Variants in ESYT3 observed in about 807,000 individuals in gnomAD.
The protein encoded by ESYT3 is extended synaptotagmin 3.
Under a neutral mutation model 111.5 loss-of-function variants are expected in ESYT3, and 101 were observed. The ratio of observed to expected loss-of-function variants is 0.91; its 90% confidence interval spans 0.77 to 1.07. ESYT3 has a LOEUF of 1.07. ESYT3 is among the 50% of genes least tolerant of loss of function. The probability of loss-of-function intolerance (pLI) is 0.00; values close to 1 mark genes in which losing one functional copy is unlikely to be tolerated. For synonymous variants in ESYT3, 416 were observed against 446.8 expected, an observed-to-expected ratio of 0.93 and a Z score of 0.87; for missense variants, 1,097 against 1,109.4, an observed-to-expected ratio of 0.99 and a Z score of 0.16.
At chr3:138,436,317 C>G (rs1022530365) in intron 1 of ESYT3, among the ~76,000 whole-genome samples, 1 of 152,128 alleles carries the variant, frequency 6.6e-6, no homozygotes, top group Non-Finnish European at 1.5e-5. Flanking sequence ...GTCTTCCTAC[C>G]GTCTTCACAC....
At chr3:138,469,563 G>A in intron 15 of ESYT3, 59 bp downstream of exon 15, 1 of 1,453,008 alleles carries the variant, frequency 6.9e-7, no homozygotes, top group Non-Finnish European at 9.6e-7. Context: ...CCCTTCTCAG[G>A]GAGAGAGGCA....
intron 10 of ESYT3, among the ~76,000 whole-genome samples, chr3:138,467,093 C>G (rs1048267262): frequency 1.3e-5 from 2 of 152,150 alleles, no homozygotes; most frequent in African/African-American, 4.8e-5. Context: ...ACTATACTTT[C>G]CCTTGTAGGG....
rs1446007021 is a variant in ESYT3 at position 138,476,229 on chromosome 3, A to G, written c.2475A>G (p.Glu825=). The change falls in exon 21 of 23, where the codon GAA becomes GAG. Residue 825 remains glutamate, a synonymous_variant. Transcript: ENST00000389567. ...TCCTTTTTGCTTCCTAAAGATTTGA[A>G]TTTTTTGTTCCCATGGAAGAAGTAA... The part of the protein sequence containing the change: ...TLEPLFDETF[E]FFVPMEEVKK... 4.4e-6 allele frequency: 7 copies of G among 1,608,576 alleles called. No homozygotes were observed. Among genetic ancestry groups the G allele is most frequent in the African/African-American group, 4.0e-5 (3 of 74,700 alleles).
At position 138,435,419 on chromosome 3, in the gene ESYT3, C is replaced by T. The variant is rs1370315406; in HGVS notation, c.327+294C>T. Among the ~76,000 whole-genome samples the T allele has an allele frequency of 6.6e-6, 1 of 152,166 alleles. No individual in the cohort carries two copies. Among genetic ancestry groups the T allele is most frequent in the African/African-American group, 2.4e-5 (1 of 41,440 alleles). The stretch of plus-strand genomic sequence containing the variant: ...AGAAGAGTCACGGGCAGACCACACC[C>T]GGGAGAAAAACAAGGGCGTCTGGGA... On this transcript the variant is annotated intron_variant, in intron 1 of 22. Coordinates refer to ENST00000389567, the MANE Select transcript of ESYT3 (RefSeq NM_031913.5). The surrounding 1 kb of genome is among the most constrained non-coding windows in gnomAD (Gnocchi z 4.8).
intron 10 of ESYT3, among the ~76,000 whole-genome samples, chr3:138,467,110 G>T (rs1367547899): frequency 6.6e-6 from 1 of 152,170 alleles, no homozygotes; most frequent in African/African-American, 2.4e-5. Flanking sequence ...AGGGCACCTG[G>T]GGTAGATTTG....
At position 138,455,118 on chromosome 3, in the gene ESYT3, A is replaced by G. The variant is rs576427846; in HGVS notation, c.370-76A>G. 3,246 of 1,562,030 alleles carry G rather than the reference A, an allele frequency of 2.1e-3. 1 individual carries two copies. Among genetic ancestry groups the G allele is most frequent in the Non-Finnish European group, 2.7e-3 (3,058 of 1,140,874 alleles). ...CAAGACCAGGCTGCAGAGAATCAGG[A>G]CCTTGTCCCATGCAGCTGTGGGTCT... is the stretch of plus-strand genomic sequence containing the variant. On this transcript the variant is annotated intron_variant, in intron 2 of 22. Coordinates refer to ENST00000389567, the MANE Select transcript of ESYT3 (RefSeq NM_031913.5).
chr3:138,463,938 A>C (rs1221178443), intron 8 of ESYT3, among the ~76,000 whole-genome samples: 1 of 152,198 alleles, frequency 6.6e-6, no homozygotes, highest in African/African-American at 2.4e-5. Context: ...GGCAGTGCCC[A>C]CAGGGGCCAG....
rs777790280 is a variant in ESYT3 at position 138,471,045 on chromosome 3, C to T, written c.1740+19C>T. ...GCTTCGGGTAAATCTCTCCGGTCCC[C>T]TGGGGGAGGGGAGGAATAGAGCTCT... On this transcript the variant is annotated intron_variant, in intron 17 of 22. Transcript: ENST00000389567. The T allele has an allele frequency of 2.5e-6, 4 of 1,605,108 alleles. No homozygotes were observed. In the African/African-American group the frequency reaches 5.3e-5, roughly 21 times the overall value.
At chr3:138,471,097 A>G (rs2033198116) in intron 17 of ESYT3, 71 bp downstream of exon 17, 2 of 1,269,870 alleles carry the variant, frequency 1.6e-6, no homozygotes, top group East Asian at 2.3e-5. Context: ...GTACTGCCCC[A>G]GCACTAAGCA....
chr3:138,470,850 T>C, intron 16 of ESYT3, 27 bp from the exon 17 acceptor site: 2 of 1,613,832 alleles, frequency 1.2e-6, no homozygotes, highest in South Asian at 1.1e-5. Context: ...GGTTATCCTC[T>C]TGTTTTGTGA....
In ESYT3 at chr3:138,467,497, C is replaced by T. The variant is rs1392668079; in HGVS notation, c.1170-64C>T. 3.3e-6 allele frequency: 5 copies of T among 1,530,972 alleles called. No individual in the cohort carries two copies. In the South Asian group the frequency reaches 4.5e-5, roughly 14 times the overall value. 94.8% of individuals were successfully genotyped at this position (1,530,972 alleles called of 1,614,324 possible). On this transcript the variant is annotated intron_variant, in intron 10 of 22. Transcript: ENST00000389567. ...TCTGAAAACAGAGTCCAGTGTGGGC[C>T]TCCATGCCCTCTGCTGCTTTCTTCC...
At position 138,477,350 on chromosome 3, in the gene ESYT3, AACTGCCAAGAGCTAAC is replaced by A. The variant is rs1376717289; in HGVS notation, c.*505_*520del. On this transcript the variant is annotated 3_prime_UTR_variant, in exon 23 of 23. Transcript: ENST00000389567. ...GGAAATAGAAAGTGACCCAACTCAA[AACTGCCAAGAGCTAAC>A]ACTGCCAAAGCCCTTCTGGCTGCCA... The A allele has an allele frequency of 6.5e-6, 1 of 152,704 alleles. No individual in the cohort carries two copies. Among genetic ancestry groups the A allele is most frequent in the Non-Finnish European group, 1.5e-5 (1 of 68,442 alleles). The allele number at this position is 152,704 out of a possible 1,614,324, so 9.5% of individuals were successfully genotyped here.
intron 9 of ESYT3, 125 bp downstream of exon 9, chr3:138,464,640 G>GT: frequency 9.6e-7 from 1 of 1,040,072 alleles, no homozygotes; most frequent in Non-Finnish European, 1.4e-6. Context: ...TCCTGCTCCT[G>GT]TATCTACCAG....
intron 4 of ESYT3, 61 bp from the exon 5 acceptor site, chr3:138,459,126 C>A: frequency 7.2e-7 from 1 of 1,389,902 alleles, no homozygotes; most frequent in Non-Finnish European, 9.7e-7. Context: ...AGTTTCCCAA[C>A]CTTTCTGAGC....
intron 2 of ESYT3, among the ~76,000 whole-genome samples, chr3:138,453,597 T>C (rs2032080944): frequency 6.6e-6 from 1 of 152,152 alleles, no homozygotes. Flanking sequence ...ATATTTAAAC[T>C]GAAGCCCAAG....
Position 138,472,719 on chromosome 3 carries a change from G to GTGA in ESYT3, c.2097_2098insTGA (p.Gly699_Pro700insTer). 1 of 1,614,150 alleles carries GTGA rather than the reference G, an allele frequency of 6.2e-7. No individual in the cohort carries two copies. The highest frequency in any genetic ancestry group is 8.5e-7 in the Non-Finnish European group (1 of 1,180,040). ...CTGTCCCAGGTCCCCACTCTCCAGG[G>GTGA]CCCATCAAGTCACCCAGACCCATGA... is the stretch of plus-strand genomic sequence containing the variant. On this transcript the variant is annotated stop_gained and inframe_insertion, in exon 18 of 23. Coordinates refer to ENST00000389567, the MANE Select transcript of ESYT3 (RefSeq NM_031913.5). LOFTEE classifies it high-confidence loss of function.
rs559065331 is a variant in ESYT3, at chr3:138,473,014, G to A, written c.2237+155G>A. 4 of 1,476,342 alleles carry A rather than the reference G, an allele frequency of 2.7e-6. No individual in the cohort carries two copies. The East Asian group carries it at 9.4e-5, about 35-fold the overall frequency. 91.5% of individuals were successfully genotyped at this position (1,476,342 alleles called of 1,614,324 possible). On this transcript the variant is annotated intron_variant, in intron 18 of 22. Transcript: ENST00000389567. ...GCATGGTGTGGTAGAAAGAACACAG[G>A]ACAAGGGAGAGAGAGCCAAACAGGC...
downstream of ESYT3, chr3:138,481,329 C>T (rs905306407): frequency 6.6e-6 from 1 of 152,168 alleles, no homozygotes; most frequent in Non-Finnish European, 1.5e-5. Context: ...CCACTTGAGC[C>T]CAGGTGTTCA....
chr3:138,460,653 G>GCGCC lies in ESYT3; in HGVS notation c.782_785dup (p.Gly263AlafsTer5), dbSNP rs2032578553. The stretch of plus-strand genomic sequence containing the variant: ...GACTGGCCTGACCAACCTGCTGGAT[G>GCGCC]CGCCGGGAATCAAGTAGGTGCCTGG... On this transcript the variant is annotated frameshift_variant, in exon 7 of 23. Transcript: ENST00000389567. LOFTEE classifies it high-confidence loss of function. 4 of 1,613,966 alleles carry GCGCC rather than the reference G, an allele frequency of 2.5e-6. 1 individual carries two copies. The Admixed American group carries it at 5.0e-5, about 20-fold the overall frequency.
Sources: allele counts gnomAD v4.1 joint callset (sites outside exome capture counted in the v4.1 genomes callset), GRCh38; gene constraint gnomAD v4.1.1; non-coding constraint Gnocchi (gnomAD v3.1); transcripts MANE v1.5; gene names NCBI Gene and HGNC (gene_info 2026-07-23, HGNC 2026-07-21).